CASZ1: variants seen among roughly 807,000 people sequenced by gnomAD.
CASZ1 encodes the protein castor zinc finger 1.
In CASZ1, 28 loss-of-function variants were observed where a neutral mutation model predicts 135.2. The ratio of observed to expected loss-of-function variants is 0.21; its 90% CI spans 0.15 to 0.28. The LOEUF (loss-of-function observed/expected upper bound fraction) is 0.28, where lower values mean the gene tolerates loss of function less well. Among genes scored for constraint, CASZ1 ranks in the 10% least tolerant of loss-of-function variants. The probability of loss-of-function intolerance (pLI) is 1.00; values close to 1 mark genes in which losing one functional copy is unlikely to be tolerated. For synonymous variants in CASZ1, 1,068 were observed against 1,073.4 expected (o/e 0.99, Z 0.10); for missense variants, 2,161 against 2,453.3 (o/e 0.88, Z 2.52).
rs1639612032 is a variant in CASZ1, at chr1:10,727,138, A to T, written c.-76-21594T>A. 6.6e-6 allele frequency among the ~76,000 whole-genome samples: 1 copy of T among 152,064 alleles called. No individual in the cohort carries two copies. ...CAGCCCACCAGGGAGGGTGGCATGG[A>T]AACAGCCTGGAGAAGGAAGAGGGAA... On this transcript the variant is annotated intron_variant, in intron 2 of 20. Coordinates refer to ENST00000377022, the MANE Select transcript of CASZ1 (RefSeq NM_001079843.3). This position sits in a 1 kb window ranked among gnomAD's most constrained non-coding sequence, Gnocchi z 5.3.
In CASZ1 at chr1:10,709,443, GA is replaced by G; in HGVS notation, c.-76-3900del. 6.6e-6 allele frequency among the ~76,000 whole-genome samples: 1 copy of G among 152,338 alleles called. No homozygotes were observed. The highest frequency in any genetic ancestry group is 1.9e-4 in the East Asian group (1 of 5,182). ...TCATGGAAACGGGCACTTTCCCGGA[GA>G]AATATTCTGTTTGGCCTCCTTCCTG... On this transcript the variant is annotated intron_variant, in intron 2 of 20. Coordinates refer to ENST00000377022, the MANE Select transcript of CASZ1 (RefSeq NM_001079843.3). The surrounding 1 kb of genome is among the most constrained non-coding windows in gnomAD (Gnocchi z 5.1).
In CASZ1 at chr1:10,666,343, T is replaced by C. The variant is rs949897426; in HGVS notation, c.17-772A>G. 1.3e-5 allele frequency among the ~76,000 whole-genome samples: 2 copies of C among 152,158 alleles called. No individual in the cohort carries two copies. The highest frequency in any genetic ancestry group is 2.4e-5 in the African/African-American group (1 of 41,444). On this transcript the variant is annotated intron_variant, in intron 4 of 20. Transcript: ENST00000377022. The surrounding 1 kb of genome is among the most constrained non-coding windows in gnomAD (Gnocchi z 5.2). ...CCCTTGCCAGCCCCCTCTTGGCCTC[T>C]CTGTCCATTTCCTGTTGCCACTCCC...
chr1:10,638,482 A>AGG lies in CASZ1; in HGVS notation c.*458_*459dup, dbSNP rs1347845617. On this transcript the variant is annotated 3_prime_UTR_variant, in exon 21 of 21. Coordinates refer to ENST00000377022, the MANE Select transcript of CASZ1 (RefSeq NM_001079843.3). The surrounding 1 kb of genome is among the most constrained non-coding windows in gnomAD (Gnocchi z 5.9). The stretch of plus-strand genomic sequence containing the variant: ...GCCTTCTGCCCGTCTCCCCCTGGGC[A>AGG]GGGGGGAGGATCCTAGCTGCATGAG... 6.6e-6 allele frequency: 1 copy of AGG among 151,700 alleles called. No homozygotes were observed. Among genetic ancestry groups the AGG allele is most frequent in the Non-Finnish European group, 1.5e-5 (1 of 67,858 alleles). The allele number at this position is 151,700 out of a possible 1,614,324, so 9.4% of individuals were successfully genotyped here. A position where few individuals can be genotyped will look rare whatever the true frequency, so the allele number is the denominator to read the frequency against.
In CASZ1 at chr1:10,724,258, C is replaced by T. The variant is rs182874063; in HGVS notation, c.-76-18714G>A. 3.9e-3 allele frequency among the ~76,000 whole-genome samples: 601 copies of T among 152,328 alleles called. 6 individuals carry two copies. Among genetic ancestry groups the T allele is most frequent in the African/African-American group, 0.014 (579 of 41,566 alleles). ...GCCAGCAAATCATTTCCCAGAGCCACGGCCCCCTCCCCAGCACCAAGAACC... is the reference window on the plus strand; with the variant it reads ...GCCAGCAAATCATTTCCCAGAGCCATGGCCCCCTCCCCAGCACCAAGAACC... On this transcript the variant is annotated intron_variant, in intron 2 of 20. Transcript: ENST00000377022. The surrounding 1 kb of genome is among the most constrained non-coding windows in gnomAD (Gnocchi z 4.1).
At position 10,651,021 on chromosome 1, in the gene CASZ1, T is replaced by C. The variant is rs925367439; in HGVS notation, c.2736A>G (p.Glu912=). The C allele has an allele frequency of 1.9e-6, 3 of 1,563,754 alleles. No individual in the cohort carries two copies. The South Asian group carries it at 3.6e-5, about 19-fold the overall frequency. Residue 912 remains glutamate, a synonymous_variant, in exon 12 of 21, where the codon GAA becomes GAG. Transcript: ENST00000377022. ...ARFPPAQVKP[E]PGESTGAPGP... is the part of the protein sequence containing the mutation. ...CTGGGGCGCCGGTGCTCTCACCGGGTTCCGGCTTCACTTGGGCCGGGGGGA... is the reference window on the plus strand; with the variant it reads ...CTGGGGCGCCGGTGCTCTCACCGGGCTCCGGCTTCACTTGGGCCGGGGGGA...
rs1383865088 is a variant in CASZ1 at position 10,706,058 on chromosome 1, G to A, written c.-76-514C>T. 1.3e-5 allele frequency among the ~76,000 whole-genome samples: 2 copies of A among 152,244 alleles called. No individual in the cohort carries two copies. Among genetic ancestry groups the A allele is most frequent in the Admixed American group, 6.5e-5 (1 of 15,294 alleles). On this transcript the variant is annotated intron_variant, in intron 2 of 20. Transcript: ENST00000377022. This position sits in a 1 kb window ranked among gnomAD's most constrained non-coding sequence, Gnocchi z 4.3. ...AGCAAGTTGGTGACAGAGGGGCAAGGGCGGGCCAGGGGCCAAGGCATCAGG... is the reference window on the plus strand; with the variant it reads ...AGCAAGTTGGTGACAGAGGGGCAAGAGCGGGCCAGGGGCCAAGGCATCAGG...
Position 10,647,961 on chromosome 1 carries a change from T to C in CASZ1, c.3337A>G (p.Thr1113Ala). The change falls in exon 16 of 21, where the codon ACC (threonine) becomes GCC (alanine). Residue 1113 changes from threonine to alanine, a missense_variant. Thr to Ala is a moderately conservative substitution (Grantham distance 58). Coordinates refer to ENST00000377022, the MANE Select transcript of CASZ1 (RefSeq NM_001079843.3). The surrounding 1 kb of genome is among the most constrained non-coding windows in gnomAD (Gnocchi z 4.9). ...PAPSPASVPS[T>A]PTLLAWKQLA... ...TGCTTCCAGGCGAGCAGGGTGGGGG[T>C]GGAGGGCACGGAGGCCGGGCTGGGA... The C allele has an allele frequency of 6.3e-7, 1 of 1,583,956 alleles. No homozygotes were observed. The highest frequency in any genetic ancestry group is 8.6e-7 in the Non-Finnish European group (1 of 1,160,958).
rs1639570795 is a variant in CASZ1 at position 10,725,009 on chromosome 1, G to A, written c.-76-19465C>T. ...AATCTGGGGGAATTCAGGAGTAATT[G>A]GGACCACATGTTGGCCGGGAGGGAG... On this transcript the variant is annotated intron_variant, in intron 2 of 20. Coordinates refer to ENST00000377022, the MANE Select transcript of CASZ1 (RefSeq NM_001079843.3). The surrounding 1 kb of genome is among the most constrained non-coding windows in gnomAD (Gnocchi z 4.4). Among the ~76,000 whole-genome samples, 1 of 152,218 alleles carries A rather than the reference G, an allele frequency of 6.6e-6. No individual in the cohort carries two copies.
intron 3 of CASZ1, among the ~76,000 whole-genome samples, chr1:10,703,702 A>G (rs1639110500): frequency 6.6e-6 from 1 of 152,136 alleles, no homozygotes. Context: ...TGCAGGAGCT[A>G]AAACCTCTCG....
Position 10,654,273 on chromosome 1 carries a change from A to AC in CASZ1, c.1839-56dup, listed in dbSNP as rs35746667. ...GACCCAGAGGAGGCCCCACCCTGCTACACCATGGCCCTGGGAGGGACAGTC... is the reference window on the plus strand; with the variant it reads ...GACCCAGAGGAGGCCCCACCCTGCTACCACCATGGCCCTGGGAGGGACAGTC... On this transcript the variant is annotated intron_variant, in intron 10 of 20. Transcript: ENST00000377022. The AC allele has an allele frequency of 0.23, 366,582 of 1,596,440 alleles. 45,956 individuals are homozygous for AC. Among genetic ancestry groups the AC allele is most frequent in the African/African-American group, 0.43 (32,214 of 74,656 alleles).
chr1:10,766,229 T>G (rs554758182), intron 1 of CASZ1, among the ~76,000 whole-genome samples: 70 of 149,450 alleles, frequency 4.7e-4, no homozygotes, highest in Non-Finnish European at 9.3e-4. Context: ...CACACACACA[T>G]ATATGCCACT....
chr1:10,665,910 G>A (rs1220185424), intron 4 of CASZ1, among the ~76,000 whole-genome samples: 1 of 152,182 alleles, frequency 6.6e-6, no homozygotes, highest in East Asian at 1.9e-4. Flanking sequence ...GGCTTGCTGG[G>A]CCCTGGGAGG....
chr1:10,698,013 G>A (rs536298302), intron 3 of CASZ1, among the ~76,000 whole-genome samples: 4 of 152,342 alleles, frequency 2.6e-5, no homozygotes, highest in East Asian at 1.9e-4. Flanking sequence ...CCACGGGCAC[G>A]GGAGGTCGTG....
At chr1:10,698,551 A>G (rs897983108) in intron 3 of CASZ1, among the ~76,000 whole-genome samples, 1 of 61,198 alleles carries the variant, frequency 1.6e-5, no homozygotes, top group African/African-American at 8.1e-5. Context: ...TATTTCAGAG[A>G]AAAAGAAAGG....
At chr1:10,754,741 G>C (rs962797427) in intron 2 of CASZ1, among the ~76,000 whole-genome samples, 3 of 152,226 alleles carry the variant, frequency 2.0e-5, no homozygotes, top group African/African-American at 7.2e-5. Context: ...CACAGCTGCT[G>C]CCCGGGCCCA....
At chr1:10,778,464 A>G (rs1640701179) in intron 1 of CASZ1, among the ~76,000 whole-genome samples, 1 of 152,054 alleles carries the variant, frequency 6.6e-6, no homozygotes, top group African/African-American at 2.4e-5. Flanking sequence ...AGAATCACAC[A>G]ATCTCACATA....
chr1:10,638,117 T>G lies in CASZ1; in HGVS notation c.*825A>C. ...CTCTCACCACGCCTGCTTTCTTCCT[T>G]TTTGTTCTATGTAGAATAATAACCT... On this transcript the variant is annotated 3_prime_UTR_variant, in exon 21 of 21. Transcript: ENST00000377022. The surrounding 1 kb of genome is among the most constrained non-coding windows in gnomAD (Gnocchi z 5.9). The G allele has an allele frequency of 6.6e-6, 1 of 152,392 alleles. No homozygotes were observed. The highest frequency in any genetic ancestry group is 6.5e-5 in the Admixed American group (1 of 15,314). The allele number at this position is 152,392 out of a possible 1,614,324, so 9.4% of individuals were successfully genotyped here.
chr1:10,647,752 C>A lies in CASZ1; in HGVS notation c.3497+49G>T. On this transcript the variant is annotated intron_variant, in intron 16 of 20. Transcript: ENST00000377022. This position sits in a 1 kb window ranked among gnomAD's most constrained non-coding sequence, Gnocchi z 4.9. ...CCTAGCGCCCTTGCTAGCACCTACT[C>A]CCGAGACGCGAGGGGAACGCGGGAC... 1 of 1,608,806 alleles carries A rather than the reference C, an allele frequency of 6.2e-7. No homozygotes were observed. The highest frequency in any genetic ancestry group is 8.5e-7 in the Non-Finnish European group (1 of 1,179,854).
chr1:10,795,148 G>T (rs982962407), intron 1 of CASZ1, among the ~76,000 whole-genome samples: 2 of 151,922 alleles, frequency 1.3e-5, no homozygotes, highest in East Asian at 1.9e-4. Context: ...CACCCCGGGC[G>T]CACGAATCGG....
Sources: allele counts gnomAD v4.1 joint callset (sites outside exome capture counted in the v4.1 genomes callset), GRCh38; gene constraint gnomAD v4.1.1; non-coding constraint Gnocchi (gnomAD v3.1); transcripts MANE v1.5; gene names NCBI Gene and HGNC (gene_info 2026-07-23, HGNC 2026-07-21).